PCNX2: variants seen among roughly 807,000 people sequenced by gnomAD.
PCNX2 encodes the protein pecanex-like protein 2.
PCNX2 carries 168 observed loss-of-function variants against 223.8 expected under a neutral mutation model. The ratio of observed to expected loss-of-function variants is 0.75; its 90% CI spans 0.66 to 0.85. The LOEUF (loss-of-function observed/expected upper bound fraction) is 0.85. PCNX2 is among the 40% of genes least tolerant of loss of function. The probability of loss-of-function intolerance (pLI) is 0.00; values close to 1 mark genes in which losing one functional copy is unlikely to be tolerated. For synonymous variants in PCNX2, 1,006 were observed against 1,052.6 expected, an observed-to-expected ratio of 0.96 and a Z score of 0.86; for missense variants, 2,507 against 2,675.5, an observed-to-expected ratio of 0.94 and a Z score of 1.39.
intron 17 of PCNX2, among the ~76,000 whole-genome samples, chr1:233,169,540 G>A (rs926302153): frequency 6.6e-6 from 1 of 150,976 alleles, no homozygotes; most frequent in Admixed American, 6.6e-5. Flanking sequence ...AGCTACACGG[G>A]AGGCTGAGGC....
Position 233,040,178 on chromosome 1 carries a change from C to A in PCNX2, c.4351+14090G>T, listed in dbSNP as rs542546008. On this transcript the variant is annotated intron_variant, in intron 25 of 33. Coordinates refer to ENST00000258229, the MANE Select transcript of PCNX2 (RefSeq NM_014801.4). ...GATGACTCTTTTCTATTTCCTAAGA[C>A]CTACCTCCTCTAAGACGATTTCTGG... Among the ~76,000 whole-genome samples the A allele has an allele frequency of 8.5e-5, 13 of 152,274 alleles. No individual in the cohort carries two copies. In the South Asian group the frequency reaches 2.5e-3, roughly 29 times the overall value.
Position 233,161,406 on chromosome 1 carries a change from C to T in PCNX2, c.3274-43G>A, listed in dbSNP as rs373613664. The stretch of plus-strand genomic sequence containing the variant: ...GCGGTAAAGGCGACTCTTCATTTCT[C>T]TCAGCAACTCTGTGTAACCAGGTAA... On this transcript the variant is annotated intron_variant, in intron 17 of 33. Transcript: ENST00000258229. 3 of 1,520,396 alleles carry T rather than the reference C, an allele frequency of 2.0e-6. No homozygotes were observed. The African/African-American group carries it at 4.1e-5, about 21-fold the overall frequency. The allele number at this position is 1,520,396 out of a possible 1,614,324, so 94.2% of individuals were successfully genotyped here.
chr1:233,249,549 C>T (rs73111135), intron 8 of PCNX2, among the ~76,000 whole-genome samples: 18,608 of 152,154 alleles, frequency 0.12, 3,194 homozygotes, highest in African/African-American at 0.39. Context: ...CTTTGCATGC[C>T]TGTTGGCTGG....
intron 19 of PCNX2, among the ~76,000 whole-genome samples, chr1:233,141,266 C>T (rs1162214819): frequency 6.6e-6 from 1 of 152,216 alleles, no homozygotes; most frequent in Non-Finnish European, 1.5e-5. Context: ...TAAACACACA[C>T]ACACAAATAG....
the PCNX2 span, among the ~76,000 whole-genome samples, chr1:233,326,215 C>A: frequency 1.3e-5 from 2 of 152,174 alleles, no homozygotes; most frequent in South Asian, 2.1e-4. Context: ...ACTGGGAAAT[C>A]AAAAAATTCA....
chr1:233,146,880 T>C (rs1344184306), intron 19 of PCNX2, among the ~76,000 whole-genome samples: 1 of 152,130 alleles, frequency 6.6e-6, no homozygotes, highest in African/African-American at 2.4e-5. Flanking sequence ...TTGATTTGAG[T>C]GGAGGGACAT....
chr1:233,208,826 C>CAAAAAAAAAAAAAAAAAAAAAAAAAAGAA (rs71173255), intron 12 of PCNX2, 137 bp from the exon 13 acceptor site: 2 of 59,534 alleles, frequency 3.4e-5, no homozygotes, highest in Non-Finnish European at 3.2e-5. Flanking sequence ...AATTCATATA[C>CAAAAAAAAAAAAAAAAAAAAAAAAAAGAA]AAAAAAAAAA....
At chr1:233,170,879 A>C (rs77416380) in intron 17 of PCNX2, among the ~76,000 whole-genome samples, 1,960 of 152,348 alleles carry the variant, frequency 0.013, 25 homozygotes, top group South Asian at 0.037. Context: ...ACATTCCAAC[A>C]TGCATACCTA....
At chr1:233,144,167 C>T (rs1677290498) in intron 19 of PCNX2, among the ~76,000 whole-genome samples, 1 of 151,980 alleles carries the variant, frequency 6.6e-6, no homozygotes, top group South Asian at 2.1e-4. Flanking sequence ...GACAACAGAG[C>T]GTAGACCCTG....
chr1:233,066,458 C>T (rs191220793), intron 23 of PCNX2, among the ~76,000 whole-genome samples: 30 of 152,338 alleles, frequency 2.0e-4, no homozygotes, highest in African/African-American at 7.2e-4. Flanking sequence ...TTCCCCTCAT[C>T]CAGCGAGGGC....
rs547985909 is a variant in PCNX2 at position 233,031,728 on chromosome 1, G to A, written c.4352-6329C>T. The A allele has an allele frequency of 4.0e-5, 39 of 983,834 alleles. No homozygotes were observed. In the Middle Eastern group the frequency reaches 1.6e-3, roughly 40 times the overall value. 60.9% of individuals were successfully genotyped at this position (983,834 alleles called of 1,614,324 possible). ...AGTTAAAGCCTGATCCCAAATCTTC[G>A]GATTCCATTTGTCTTTCTGCCAGAC... On this transcript the variant is annotated intron_variant, in intron 25 of 33. Coordinates refer to ENST00000258229, the MANE Select transcript of PCNX2 (RefSeq NM_014801.4).
the PCNX2 span, among the ~76,000 whole-genome samples, chr1:233,306,355 C>G: frequency 0.011 from 1,614 of 152,246 alleles, 28 homozygotes; most frequent in African/African-American, 0.036. Context: ...GATCAAACAA[C>G]TAGGCAGAAG....
chr1:233,179,175 C>G lies in PCNX2; in HGVS notation c.3067G>C (p.Glu1023Gln). ...LHAVCFSAVK[E>Q]PWSMQHIPAL... ...GGGATGTGTTGCATGCTCCACGGTT[C>G]CTAAAGAAAAGACATCAGTTAGCCA... is the stretch of plus-strand genomic sequence containing the variant. The change falls in exon 16 of 34, where the codon GAA becomes CAA. Residue 1023 changes from glutamate (E) to glutamine (Q), a missense_variant and splice_region_variant. Glu to Gln is a conservative substitution (Grantham distance 29, BLOSUM62 2). Coordinates refer to ENST00000258229, the MANE Select transcript of PCNX2 (RefSeq NM_014801.4). 2 of 1,613,570 alleles carry G rather than the reference C, an allele frequency of 1.2e-6. No homozygotes were observed. The highest frequency in any genetic ancestry group is 2.2e-5 in the South Asian group (2 of 91,066).
At chr1:233,170,092 A>G (rs1679062200) in intron 17 of PCNX2, among the ~76,000 whole-genome samples, 2 of 152,328 alleles carry the variant, frequency 1.3e-5, no homozygotes, top group Non-Finnish European at 2.9e-5. Context: ...TGGCACTTTC[A>G]TGAAAAGGTG....
intron 26 of PCNX2, chr1:233,018,618 AAATCCAAGCCTGATAGGCTTGG>A (rs1670768545): frequency 3.1e-6 from 1 of 325,100 alleles, no homozygotes; most frequent in East Asian, 1.7e-4. Context: ...GAGGAAATGA[AAATCCAAGCCTGATAGGCTTGG>A]ATCAGGGTGT....
chr1:233,282,127 C>T (rs1661223559), intron 1 of PCNX2, among the ~76,000 whole-genome samples: 1 of 152,104 alleles, frequency 6.6e-6, no homozygotes, highest in Admixed American at 6.6e-5. Flanking sequence ...CAAAAAATAA[C>T]CACAATTTCC....
chr1:233,123,281 C>T (rs978796449), intron 21 of PCNX2, among the ~76,000 whole-genome samples: 1 of 152,056 alleles, frequency 6.6e-6, no homozygotes, highest in Non-Finnish European at 1.5e-5. Context: ...TTCCAAAATA[C>T]ATCTTTTAAA....
intron 1 of PCNX2, among the ~76,000 whole-genome samples, chr1:233,271,974 T>C (rs759091710): frequency 7.9e-5 from 12 of 152,188 alleles, no homozygotes; most frequent in Non-Finnish European, 1.6e-4. Context: ...GGTGGTTCCA[T>C]ATGAATTTTA....
intron 8 of PCNX2, among the ~76,000 whole-genome samples, chr1:233,242,522 T>C (rs1189772112): frequency 6.6e-6 from 1 of 152,238 alleles, no homozygotes; most frequent in Non-Finnish European, 1.5e-5. Context: ...AGATTGCTTA[T>C]GACACCGTAA....
Sources: gnomAD v4.1 joint callset for allele counts (sites outside exome capture counted in the v4.1 genomes callset) on GRCh38, gnomAD v4.1.1 for gene constraint, MANE v1.5 for transcripts, NCBI Gene and HGNC (gene_info 2026-07-23, HGNC 2026-07-21) for gene names.